The following CSNK1G2 variants were observed in gnomAD, a reference collection of about 807,000 sequenced individuals.
CSNK1G2 encodes the protein casein kinase I isoform gamma-2.
CSNK1G2 carries 11 observed loss-of-function variants against 48.0 expected under a neutral mutation model. The observed-to-expected ratio is 0.23, with a 90% CI of 0.14 to 0.38. The LOEUF (loss-of-function observed/expected upper bound fraction) is 0.38. CSNK1G2 is among the 10% of genes least tolerant of loss of function. The pLI is 1.00. For synonymous variants in CSNK1G2, 337 were observed against 254.1 expected (o/e 1.33, Z -3.10); for missense variants, 446 against 595.5 (o/e 0.75, Z 2.61).
At chr19:1,971,766 C>CTTTT (rs60024174) in intron 2 of CSNK1G2, among the ~76,000 whole-genome samples, 17 of 116,160 alleles carry the variant, frequency 1.5e-4, no homozygotes, top group South Asian at 5.4e-4. Flanking sequence ...GTGATGCCAG[C>CTTTT]TTTTTTTTTT....
intron 1 of CSNK1G2, chr19:1,953,732 A>G (rs911956905): frequency 2.5e-6 from 1 of 400,850 alleles, no homozygotes; most frequent in East Asian, 7.0e-5. Flanking sequence ...ACATCCCCCC[A>G]ACAGGGTCTG....
At chr19:1,943,536 A>T (rs1408251561) in intron 1 of CSNK1G2, among the ~76,000 whole-genome samples, 3 of 151,930 alleles carry the variant, frequency 2.0e-5, no homozygotes, top group Non-Finnish European at 4.4e-5. Context: ...CCTGTTGCTC[A>T]TCCCAAGCTT....
chr19:1,943,006 G>A (rs1164532085), intron 1 of CSNK1G2, among the ~76,000 whole-genome samples: 1 of 152,140 alleles, frequency 6.6e-6, no homozygotes, highest in African/African-American at 2.4e-5. Context: ...AGTGAGCTCT[G>A]AGAGCCGCTC....
At position 1,965,572 on chromosome 19, in the gene CSNK1G2, C is replaced by G. The variant is rs530516269; in HGVS notation, c.-265-3936C>G. ...CTGGAGTGCAGTAGCACGATCTTGG[C>G]TCACTGCATCCTCCACCTCCCGGGT... On this transcript the variant is annotated intron_variant, in intron 1 of 11. Coordinates refer to ENST00000255641, the MANE Select transcript of CSNK1G2 (RefSeq NM_001319.7). 2.2e-4 allele frequency among the ~76,000 whole-genome samples: 34 copies of G among 152,182 alleles called. No homozygotes were observed. The East Asian group carries it at 6.4e-3, about 29-fold the overall frequency.
intron 1 of CSNK1G2, among the ~76,000 whole-genome samples, chr19:1,967,606 C>T (rs1599315095): frequency 1.3e-5 from 2 of 152,092 alleles, no homozygotes; most frequent in Admixed American, 1.3e-4. Flanking sequence ...AGCCGCGTCC[C>T]TGGGGTTGCA....
At position 1,945,263 on chromosome 19, in the gene CSNK1G2, G is replaced by A. The variant is rs532712506; in HGVS notation, c.-266+3845G>A. Among the ~76,000 whole-genome samples the A allele has an allele frequency of 2.5e-4, 38 of 152,342 alleles. No individual in the cohort carries two copies. In the South Asian group the frequency reaches 5.4e-3, roughly 22 times the overall value. On this transcript the variant is annotated intron_variant, in intron 1 of 11. Transcript: ENST00000255641. ...CAGGGGAGCCGCTTCTCAGACCCCCGGGCTGGCCCCAGGCTCCCCCGGCAG... is the reference window on the plus strand; with the variant it reads ...CAGGGGAGCCGCTTCTCAGACCCCCAGGCTGGCCCCAGGCTCCCCCGGCAG...
intron 1 of CSNK1G2, chr19:1,952,988 C>T: frequency 2.3e-6 from 1 of 433,756 alleles, no homozygotes; most frequent in Non-Finnish European, 4.5e-6. Context: ...GCACTCCAGT[C>T]TGGGTGGCAG....
At chr19:1,967,511 CAGACAGGCA>C (rs1599314934) in intron 1 of CSNK1G2, among the ~76,000 whole-genome samples, 1 of 49,446 alleles carries the variant, frequency 2.0e-5, no homozygotes, top group East Asian at 6.0e-4. Context: ...AGGATCTGTG[CAGACAGGCA>C]GGTGGCTGCG....
intron 1 of CSNK1G2, among the ~76,000 whole-genome samples, chr19:1,948,846 C>A (rs1485080186): frequency 6.6e-6 from 1 of 152,256 alleles, no homozygotes; most frequent in African/African-American, 2.4e-5. Flanking sequence ...TCCGCGCACA[C>A]ATACCTCGTG....
At chr19:1,953,827 C>T (rs2014875931) in intron 1 of CSNK1G2, 2 of 527,928 alleles carry the variant, frequency 3.8e-6, no homozygotes, top group South Asian at 2.8e-5. Flanking sequence ...ACCTGTGGCC[C>T]TCCTGTGTTC....
intron 2 of CSNK1G2, among the ~76,000 whole-genome samples, chr19:1,970,594 G>C (rs2015534364): frequency 6.6e-6 from 1 of 152,214 alleles, no homozygotes. Context: ...GCCTGAAGAT[G>C]ACCATCAGGC....
chr19:1,976,078 C>T lies in CSNK1G2; in HGVS notation c.188-2227C>T, dbSNP rs905500039. 32 of 1,289,386 alleles carry T rather than the reference C, an allele frequency of 2.5e-5. No homozygotes were observed. In the African/African-American group the frequency reaches 3.2e-4, roughly 13 times the overall value. 79.9% of individuals were successfully genotyped at this position (1,289,386 alleles called of 1,614,324 possible). A position where few individuals can be genotyped will look rare whatever the true frequency, so the allele number is the denominator to read the frequency against. The stretch of plus-strand genomic sequence containing the variant: ...AAATCCCTCTAAAAATAAAATGGAC[C>T]GGTGGATGGTAGCTGTGAGGATGGA... On this transcript the variant is annotated intron_variant, in intron 2 of 11. Coordinates refer to ENST00000255641, the MANE Select transcript of CSNK1G2 (RefSeq NM_001319.7).
At position 1,969,560 on chromosome 19, in the gene CSNK1G2, C is replaced by T. The variant is rs562380770; in HGVS notation, c.-213C>T. 222 of 383,700 alleles carry T rather than the reference C, an allele frequency of 5.8e-4. No homozygotes were observed. The highest frequency in any genetic ancestry group is 3.4e-3 in the African/African-American group (162 of 48,274). 23.8% of individuals were successfully genotyped at this position (383,700 alleles called of 1,614,324 possible). ...GGATGTGTCAGCAGAATGTCTCCTG[C>T]CCCCGAGAGCGACCCCGAGGCCACT... On this transcript the variant is annotated 5_prime_UTR_variant, in exon 2 of 12. Coordinates refer to ENST00000255641, the MANE Select transcript of CSNK1G2 (RefSeq NM_001319.7).
chr19:1,951,913 C>T (rs888114038), intron 1 of CSNK1G2, among the ~76,000 whole-genome samples: 13 of 152,176 alleles, frequency 8.5e-5, no homozygotes, highest in African/African-American at 1.7e-4. Context: ...ATCTCCTGAC[C>T]TCGTGATCCA....
chr19:1,980,818 C>T lies in CSNK1G2; in HGVS notation c.*615C>T, dbSNP rs1045080175. 6.5e-6 allele frequency: 1 copy of T among 152,738 alleles called. No homozygotes were observed. Among genetic ancestry groups the T allele is most frequent in the African/African-American group, 2.4e-5 (1 of 41,476 alleles). The allele number at this position is 152,738 out of a possible 1,614,324, so 9.5% of individuals were successfully genotyped here. A position where few individuals can be genotyped will look rare whatever the true frequency, so the allele number is the denominator to read the frequency against. Reference sequence around the variant, plus strand: ...CCGGCTCCCCAACCAAAATGCTGCACCAAAGCTCGGGCGCCGCGGGCACGG... The same window carrying T: ...CCGGCTCCCCAACCAAAATGCTGCATCAAAGCTCGGGCGCCGCGGGCACGG... On this transcript the variant is annotated 3_prime_UTR_variant, in exon 12 of 12. Transcript: ENST00000255641.
chr19:1,944,336 G>A (rs372015847), intron 1 of CSNK1G2, among the ~76,000 whole-genome samples: 5 of 152,180 alleles, frequency 3.3e-5, no homozygotes, highest in Admixed American at 6.5e-5. Context: ...GAGGCTCCGC[G>A]TCTGCTTCTT....
At chr19:1,963,134 C>T (rs778563477) in intron 1 of CSNK1G2, among the ~76,000 whole-genome samples, 1 of 152,048 alleles carries the variant, frequency 6.6e-6, no homozygotes, top group African/African-American at 2.4e-5. Context: ...ATGTCCAGGG[C>T]AGGCCCAGCC....
chr19:1,947,286 G>A (rs928332576), intron 1 of CSNK1G2, among the ~76,000 whole-genome samples: 3 of 152,224 alleles, frequency 2.0e-5, no homozygotes, highest in Admixed American at 6.5e-5. Context: ...CGCCTTGGCC[G>A]TGGTGCTTCA....
intron 1 of CSNK1G2, among the ~76,000 whole-genome samples, chr19:1,958,216 CT>C (rs1002255745): frequency 2.0e-5 from 3 of 151,844 alleles, no homozygotes; most frequent in Non-Finnish European, 4.4e-5. Context: ...GCCTGTGCCC[CT>C]GATGTCTGTC....
Sources: gnomAD v4.1 joint callset for allele counts (sites outside exome capture counted in the v4.1 genomes callset) on GRCh38, gnomAD v4.1.1 for gene constraint, MANE v1.5 for transcripts, NCBI Gene and HGNC (gene_info 2026-07-23, HGNC 2026-07-21) for gene names.